The following CFAP95 variants were observed in gnomAD, a reference collection of about 807,000 sequenced individuals.
The protein encoded by CFAP95 is cilia and flagella associated protein 95, also known as cilia- and flagella-associated protein 95.
At chr9:69,841,950 T>C in the CFAP95 span, among the ~76,000 whole-genome samples, 1 of 152,196 alleles carries the variant, frequency 6.6e-6, no homozygotes, top group Non-Finnish European at 1.5e-5. Context: ...AGGTGAGATT[T>C]GTGTGGGGAC....
At chr9:69,876,708 C>T in the CFAP95 span, among the ~76,000 whole-genome samples, 1 of 152,012 alleles carries the variant, frequency 6.6e-6, no homozygotes, top group Non-Finnish European at 1.5e-5. Flanking sequence ...AGTTTTGGCT[C>T]ACTGCAACCT....
At chr9:69,890,571 C>T in the CFAP95 span, among the ~76,000 whole-genome samples, 1 of 152,304 alleles carries the variant, frequency 6.6e-6, no homozygotes, top group Non-Finnish European at 1.5e-5. Context: ...TGCACATAAA[C>T]AAGCATATAA....
chr9:69,866,664 C>G, the CFAP95 span, among the ~76,000 whole-genome samples: 11 of 152,172 alleles, frequency 7.2e-5, no homozygotes, highest in Admixed American at 6.5e-4. Context: ...AAGAGATGGA[C>G]AGATACAGAC....
At chr9:69,825,251 T>G in the CFAP95 span, among the ~76,000 whole-genome samples, 2 of 152,212 alleles carry the variant, frequency 1.3e-5, no homozygotes, top group Non-Finnish European at 2.9e-5. Context: ...TGACTGTACA[T>G]ATAGGTACAA....
At chr9:69,895,838 C>T in the CFAP95 span, among the ~76,000 whole-genome samples, 10 of 152,186 alleles carry the variant, frequency 6.6e-5, no homozygotes, top group East Asian at 1.9e-3. Flanking sequence ...CTCTGTCACT[C>T]AGACTGGAGT....
the CFAP95 span, chr9:69,856,738 C>T: frequency 8.8e-7 from 1 of 1,140,996 alleles, no homozygotes; most frequent in Non-Finnish European, 1.3e-6. Flanking sequence ...GTATAAGTAG[C>T]AAAAAGGTAT....
At chr9:69,842,785 CA>C in the CFAP95 span, among the ~76,000 whole-genome samples, 2 of 152,204 alleles carry the variant, frequency 1.3e-5, no homozygotes, top group African/African-American at 2.4e-5. Context: ...GGTAGGTTAC[CA>C]AAAAGCATTT....
chr9:69,899,175 G>A, the CFAP95 span, among the ~76,000 whole-genome samples: 4 of 152,226 alleles, frequency 2.6e-5, no homozygotes, highest in African/African-American at 9.6e-5. Context: ...CTCTGTGTGT[G>A]TAGCACCGAA....
chr9:69,883,952 GTTCT>G, the CFAP95 span, among the ~76,000 whole-genome samples: 1 of 151,514 alleles, frequency 6.6e-6, no homozygotes, highest in Non-Finnish European at 1.5e-5. Context: ...TGCTTTTCTA[GTTCT>G]TTAAGATGCA....
the CFAP95 span, among the ~76,000 whole-genome samples, chr9:69,856,205 A>C: frequency 6.6e-6 from 1 of 152,220 alleles, no homozygotes; most frequent in African/African-American, 2.4e-5. Flanking sequence ...TGTGATTTAC[A>C]AAGTGATTGC....
chr9:69,864,754 C>A, the CFAP95 span, among the ~76,000 whole-genome samples: 1 of 152,114 alleles, frequency 6.6e-6, no homozygotes, highest in Non-Finnish European at 1.5e-5. Flanking sequence ...ATCTATAAAA[C>A]CTTTGGTACT....
the CFAP95 span, among the ~76,000 whole-genome samples, chr9:69,903,135 G>A: frequency 6.6e-6 from 1 of 152,202 alleles, no homozygotes; most frequent in Non-Finnish European, 1.5e-5. Flanking sequence ...ACTGTCAGAT[G>A]TGACTTTTAT....
the CFAP95 span, among the ~76,000 whole-genome samples, chr9:69,855,817 C>G: frequency 3.3e-5 from 5 of 152,124 alleles, no homozygotes; most frequent in African/African-American, 4.8e-5. Context: ...AGAGTGGTCT[C>G]TCTTTAAAAA....
the CFAP95 span, among the ~76,000 whole-genome samples, chr9:69,878,159 G>A: frequency 9.9e-5 from 15 of 152,126 alleles, no homozygotes; most frequent in African/African-American, 3.6e-4. Flanking sequence ...ACTGATAATC[G>A]TGATACTACC....
At chr9:69,842,172 G>C in the CFAP95 span, among the ~76,000 whole-genome samples, 1 of 152,178 alleles carries the variant, frequency 6.6e-6, no homozygotes, top group African/African-American at 2.4e-5. Context: ...GACACTAGAA[G>C]GTGTCTGGTG....
chr9:69,837,502 C>T, the CFAP95 span, among the ~76,000 whole-genome samples: 72 of 152,102 alleles, frequency 4.7e-4, no homozygotes, highest in African/African-American at 1.7e-3. Flanking sequence ...CATTTTTTCA[C>T]GTGTCTTTTG....
the CFAP95 span, among the ~76,000 whole-genome samples, chr9:69,873,422 G>T: frequency 3.9e-5 from 6 of 152,032 alleles, no homozygotes; most frequent in Admixed American, 1.3e-4. Context: ...TTTTTTGTTT[G>T]TTTGTTTGTT....
At chr9:69,839,342 C>A in the CFAP95 span, among the ~76,000 whole-genome samples, 1 of 149,032 alleles carries the variant, frequency 6.7e-6, no homozygotes, top group Non-Finnish European at 1.5e-5. Flanking sequence ...TGGTAGAATT[C>A]GGCTGTGAAT....
At chr9:69,897,332 G>T in the CFAP95 span, among the ~76,000 whole-genome samples, 22 of 152,186 alleles carry the variant, frequency 1.4e-4, no homozygotes, top group Admixed American at 3.3e-4. Context: ...GTGGCTAATA[G>T]CTATCTTTAA....
Sources: allele counts gnomAD v4.1 joint callset (sites outside exome capture counted in the v4.1 genomes callset), GRCh38; gene constraint gnomAD v4.1.1; transcripts MANE v1.5; gene names NCBI Gene and HGNC (gene_info 2026-07-23, HGNC 2026-07-21).